The following ALPK2 variants were observed in gnomAD, a reference collection of about 807,000 sequenced individuals.
The protein encoded by ALPK2 is alpha-protein kinase 2.
ALPK2 carries 127 observed loss-of-function variants against 163.1 expected under a neutral mutation model. The observed-to-expected ratio is 0.78, with a 90% CI of 0.67 to 0.90. The LOEUF is 0.90. ALPK2 is among the 40% of genes least tolerant of loss of function. ALPK2 has a pLI of 0.00. For missense variants in ALPK2, 2,360 were observed against 2,589.6 expected (o/e 0.91, Z 1.92); for synonymous variants, 953 against 959.1 (o/e 0.99, Z 0.12).
At chr18:58,571,630 C>A (rs1189246159) in intron 4 of ALPK2, among the ~76,000 whole-genome samples, 2 of 152,004 alleles carry the variant, frequency 1.3e-5, no homozygotes, top group African/African-American at 4.8e-5. Flanking sequence ...AAAGGAAAAA[C>A]TGACCATTAG....
intron 12 of ALPK2, among the ~76,000 whole-genome samples, chr18:58,490,934 G>C (rs2051371393): frequency 6.6e-6 from 1 of 152,190 alleles, no homozygotes; most frequent in Non-Finnish European, 1.5e-5. Context: ...TATGCAGGAA[G>C]CACACAGTCC....
chr18:58,603,023 C>A (rs1393242262), intron 3 of ALPK2, among the ~76,000 whole-genome samples: 1 of 152,196 alleles, frequency 6.6e-6, no homozygotes, highest in Admixed American at 6.5e-5. Flanking sequence ...AATCTCTGCC[C>A]TTTTCCCAGA....
At chr18:58,567,244 C>T (rs1320993738) in intron 4 of ALPK2, among the ~76,000 whole-genome samples, 5 of 150,662 alleles carry the variant, frequency 3.3e-5, no homozygotes, top group Middle Eastern at 3.4e-3. Context: ...AAAGGCCGGG[C>T]GTGATGGCAG....
At chr18:58,567,249 T>C (rs1374376598) in intron 4 of ALPK2, among the ~76,000 whole-genome samples, 1 of 148,864 alleles carries the variant, frequency 6.7e-6, no homozygotes, top group Non-Finnish European at 1.5e-5. Flanking sequence ...CCGGGCGTGA[T>C]GGCAGGCCCC....
rs528355220 is a variant in ALPK2, at chr18:58,503,540, T to A, written c.6247+391A>T. The stretch of plus-strand genomic sequence containing the variant: ...GACGCTGTCTCTACAAAAAAAAAAT[T>A]TTTTTTTAATTAGCCAGGTGTGGTA... On this transcript the variant is annotated intron_variant, in intron 11 of 12. Transcript: ENST00000361673. 1.7e-3 allele frequency among the ~76,000 whole-genome samples: 256 copies of A among 151,436 alleles called. 1 individual carries two copies. The highest frequency in any genetic ancestry group is 2.9e-3 in the East Asian group (15 of 5,140).
At chr18:58,531,066 A>G (rs1286061349) in intron 5 of ALPK2, among the ~76,000 whole-genome samples, 2 of 152,072 alleles carry the variant, frequency 1.3e-5, no homozygotes, top group Non-Finnish European at 2.9e-5. Context: ...TGCAGTGCGC[A>G]TGCCTGTGGA....
At chr18:58,512,244 A>T (rs923523624) in intron 10 of ALPK2, 1 of 152,228 alleles carries the variant, frequency 6.6e-6, no homozygotes, top group East Asian at 1.9e-4. Context: ...GGGGAAAAAA[A>T]CCAGAAACAA....
intron 4 of ALPK2, among the ~76,000 whole-genome samples, chr18:58,559,933 GAAC>G (rs2051817160): frequency 6.6e-6 from 1 of 152,196 alleles, no homozygotes; most frequent in African/African-American, 2.4e-5. Flanking sequence ...TAGTGGCTCA[GAAC>G]AACATAGATT....
chr18:58,483,489 G>A (rs1422830035), intron 12 of ALPK2, among the ~76,000 whole-genome samples: 2 of 151,948 alleles, frequency 1.3e-5, no homozygotes, highest in Non-Finnish European at 2.9e-5. Flanking sequence ...CCCCCTGCAT[G>A]GGATGCTCCT....
chr18:58,553,031 G>C (rs1466191355), intron 4 of ALPK2, among the ~76,000 whole-genome samples: 1 of 152,118 alleles, frequency 6.6e-6, no homozygotes, highest in African/African-American at 2.4e-5. Flanking sequence ...AGGGAAGAAG[G>C]CCATGTGATG....
chr18:58,484,343 T>C (rs991317499), intron 12 of ALPK2, among the ~76,000 whole-genome samples: 2 of 152,144 alleles, frequency 1.3e-5, no homozygotes, highest in African/African-American at 2.4e-5. Context: ...ACACAAGACA[T>C]TGACTCATGT....
At chr18:58,499,595 C>T (rs758385200) in intron 11 of ALPK2, among the ~76,000 whole-genome samples, 5 of 152,226 alleles carry the variant, frequency 3.3e-5, no homozygotes, top group Non-Finnish European at 5.9e-5. Flanking sequence ...CTTGCTCCAA[C>T]GCAGTGGACC....
intron 10 of ALPK2, among the ~76,000 whole-genome samples, chr18:58,508,187 A>G (rs2051471185): frequency 6.6e-6 from 1 of 152,124 alleles, no homozygotes. Context: ...AACAATCCCT[A>G]TTTCCTAGCC....
chr18:58,509,463 A>G (rs2051478497), intron 10 of ALPK2, among the ~76,000 whole-genome samples: 1 of 152,116 alleles, frequency 6.6e-6, no homozygotes, highest in Non-Finnish European at 1.5e-5. Context: ...CGCCACACTG[A>G]CTTCCACAAT....
intron 8 of ALPK2, among the ~76,000 whole-genome samples, chr18:58,520,246 G>C (rs1169534398): frequency 6.6e-6 from 1 of 151,858 alleles, no homozygotes; most frequent in African/African-American, 2.4e-5. Context: ...TGGCCAACAT[G>C]ATGAAACCCC....
At chr18:58,489,902 C>T (rs922873877) in intron 12 of ALPK2, among the ~76,000 whole-genome samples, 3 of 151,532 alleles carry the variant, frequency 2.0e-5, no homozygotes, top group African/African-American at 7.3e-5. Context: ...TGAGACCATC[C>T]TGGCCCCGTC....
intron 12 of ALPK2, among the ~76,000 whole-genome samples, chr18:58,482,549 GT>G (rs1445035434): frequency 1.3e-5 from 2 of 152,200 alleles, no homozygotes; most frequent in Non-Finnish European, 2.9e-5. Flanking sequence ...GCAAGTTGAT[GT>G]AAGAGACAAG....
Position 58,517,055 on chromosome 18 carries a change from G to C in ALPK2, c.5793C>G (p.Arg1931=). 1 of 1,614,258 alleles carries C rather than the reference G, an allele frequency of 6.2e-7. No individual in the cohort carries two copies. Among genetic ancestry groups the C allele is most frequent in the Non-Finnish European group, 8.5e-7 (1 of 1,180,042 alleles). Residue 1931 remains arginine (R), a synonymous_variant, in exon 9 of 13, where the codon CGC becomes CGG. Coordinates refer to ENST00000361673, the MANE Select transcript of ALPK2 (RefSeq NM_052947.4). ...EELHFGEGVH[R]KAFRSTVMHG... is the part of the protein sequence containing the mutation. ...GCATCACTGTGCTGCGGAAGGCTTT[G>C]CGGTGAACCCCTTCTCCAAAGTGCA...
intron 1 of ALPK2, among the ~76,000 whole-genome samples, chr18:58,614,371 A>G (rs990173812): frequency 2.0e-5 from 3 of 152,194 alleles, no homozygotes; most frequent in African/African-American, 7.2e-5. Context: ...TACATTTCCA[A>G]TTATTTTTGG....
Sources: gnomAD v4.1 joint callset for allele counts (sites outside exome capture counted in the v4.1 genomes callset) on GRCh38, gnomAD v4.1.1 for gene constraint, MANE v1.5 for transcripts, NCBI Gene and HGNC (gene_info 2026-07-23, HGNC 2026-07-21) for gene names.